The following POLR3B variants were observed in gnomAD, a reference collection of about 807,000 sequenced individuals.
The protein encoded by POLR3B is RNA polymerase III subunit B.
In POLR3B, 96 loss-of-function variants were observed where a neutral mutation model predicts 147.4. The observed-to-expected ratio is 0.65, with a 90% CI of 0.55 to 0.77. The LOEUF (loss-of-function observed/expected upper bound fraction) is 0.77, where lower values mean the gene tolerates loss of function less well. Ranked by LOEUF, POLR3B falls within the 30% of genes least tolerant of loss-of-function variation. The pLI, the probability that POLR3B is intolerant of heterozygous loss-of-function variation, is 0.00. For missense variants in POLR3B, 1,036 were observed against 1,413.5 expected, an observed-to-expected ratio of 0.73 and a Z score of 4.28; for synonymous variants, 461 against 485.9, an observed-to-expected ratio of 0.95 and a Z score of 0.67.
Position 106,504,847 on chromosome 12 carries a change from T to C in POLR3B, c.3272+593T>C, listed in dbSNP as rs189007901. 3.9e-5 allele frequency among the ~76,000 whole-genome samples: 6 copies of C among 152,296 alleles called. No individual in the cohort carries two copies. In the East Asian group the frequency reaches 9.7e-4, roughly 25 times the overall value. On this transcript the variant is annotated intron_variant, in intron 27 of 27. Transcript: ENST00000228347. The surrounding 1 kb of genome is among the most constrained non-coding windows in gnomAD (Gnocchi z 4.6). Reference sequence around the variant, plus strand: ...ATTCAGCAAACATGTAGTAAGTATCTGCTAAGTGTCAGACACTGTTCTAGG... The same window carrying C: ...ATTCAGCAAACATGTAGTAAGTATCCGCTAAGTGTCAGACACTGTTCTAGG...
intron 9 of POLR3B, among the ~76,000 whole-genome samples, chr12:106,389,090 G>A (rs979382322): frequency 2.0e-5 from 3 of 152,174 alleles, no homozygotes; most frequent in Non-Finnish European, 2.9e-5. Context: ...TCCATATAAA[G>A]CCAGTTTTCA....
intron 6 of POLR3B, among the ~76,000 whole-genome samples, chr12:106,373,229 T>C (rs1310217627): frequency 6.6e-6 from 1 of 152,204 alleles, no homozygotes; most frequent in Non-Finnish European, 1.5e-5. Context: ...CCATTTTCCT[T>C]ATGGTTTTGT....
chr12:106,436,937 CA>C, intron 16 of POLR3B, 119 bp from the exon 17 acceptor site: 1 of 778,522 alleles, frequency 1.3e-6, no homozygotes, highest in Non-Finnish European at 2.2e-6. Context: ...GTGTCCTCAG[CA>C]ATCCAGGAAT....
intron 9 of POLR3B, among the ~76,000 whole-genome samples, chr12:106,386,118 G>T (rs11112961): frequency 0.23 from 35,155 of 152,040 alleles, 4,429 homozygotes; most frequent in African/African-American, 0.31. Flanking sequence ...GGCCAAGGTG[G>T]GTGGATCACT....
chr12:106,379,025 C>A (rs758648346), intron 8 of POLR3B, among the ~76,000 whole-genome samples: 1 of 152,176 alleles, frequency 6.6e-6, no homozygotes, highest in Non-Finnish European at 1.5e-5. Context: ...CTGATTAACT[C>A]AGAATTTCTG....
rs1565875510 is a variant in POLR3B at position 106,372,331 on chromosome 12, G to GTGTTT, written c.404+2650_404+2654dup. 5.7e-3 allele frequency among the ~76,000 whole-genome samples: 139 copies of GTGTTT among 24,396 alleles called. 30 individuals carry two copies. Among genetic ancestry groups the GTGTTT allele is most frequent in the African/African-American group, 6.3e-3 (20 of 3,192 alleles). The allele number at this position is 24,396 out of a possible 152,430, so 16.0% of individuals were successfully genotyped here. On this transcript the variant is annotated intron_variant, in intron 6 of 27. Coordinates refer to ENST00000228347, the MANE Select transcript of POLR3B (RefSeq NM_018082.6). ...ATCCATAACTTTATTTTGTGTGTGT[G>GTGTTT]TGTTTTTTTTTTTTTTTTTTTTTTT...
intron 23 of POLR3B, among the ~76,000 whole-genome samples, 196 bp downstream of exon 23, chr12:106,463,816 C>T (rs1482118451): frequency 6.6e-6 from 1 of 152,104 alleles, no homozygotes; most frequent in East Asian, 1.9e-4. Context: ...AGACTTGCTC[C>T]TCTATGCTGT....
At chr12:106,393,977 A>T (rs1339578680) in intron 10 of POLR3B, among the ~76,000 whole-genome samples, 1 of 152,158 alleles carries the variant, frequency 6.6e-6, no homozygotes, top group Non-Finnish European at 1.5e-5. Context: ...CACAACAGAC[A>T]GTTCTTACCT....
At chr12:106,358,112 G>A in intron 1 of POLR3B, 161 bp downstream of exon 1, 2 of 1,501,166 alleles carry the variant, frequency 1.3e-6, no homozygotes, top group East Asian at 2.5e-5. Flanking sequence ...CTTTTTTCCA[G>A]AGCCGGCCTC....
intron 12 of POLR3B, among the ~76,000 whole-genome samples, chr12:106,421,960 A>C (rs2037379474): frequency 6.6e-6 from 1 of 152,210 alleles, no homozygotes; most frequent in African/African-American, 2.4e-5. Context: ...TCAGCCTCCC[A>C]AAGTGCTAGG....
intron 10 of POLR3B, among the ~76,000 whole-genome samples, chr12:106,395,279 G>A (rs755307201): frequency 6.6e-6 from 1 of 152,150 alleles, no homozygotes; most frequent in African/African-American, 2.4e-5. Flanking sequence ...AGGTTTAATT[G>A]GCTCATGGTT....
chr12:106,399,997 T>C (rs1179821847), intron 10 of POLR3B, among the ~76,000 whole-genome samples: 1 of 152,226 alleles, frequency 6.6e-6, no homozygotes, highest in East Asian at 1.9e-4. Flanking sequence ...TAACTTTGAA[T>C]GTAAATGGGC....
In POLR3B at chr12:106,498,229, T is replaced by C. The variant is rs562976375; in HGVS notation, c.2984+1311T>C. ...AGAGGAAAAGTTATGTTTGACACTT[T>C]GCCAGGGAAAGAGCTTGGTAAGTTC... is the stretch of plus-strand genomic sequence containing the variant. On this transcript the variant is annotated intron_variant, in intron 25 of 27. Coordinates refer to ENST00000228347, the MANE Select transcript of POLR3B (RefSeq NM_018082.6). Among the ~76,000 whole-genome samples, 10 of 152,282 alleles carry C rather than the reference T, an allele frequency of 6.6e-5. No individual in the cohort carries two copies. The South Asian group carries it at 1.9e-3, about 28-fold the overall frequency.
chr12:106,408,840 C>G (rs1359257040), intron 11 of POLR3B, among the ~76,000 whole-genome samples: 1 of 152,114 alleles, frequency 6.6e-6, no homozygotes, highest in Non-Finnish European at 1.5e-5. Context: ...GAAAAATATG[C>G]TAAGTATTAA....
At position 106,483,660 on chromosome 12, in the gene POLR3B, A is replaced by G. The variant is rs535352234; in HGVS notation, c.2714-12395A>G. Among the ~76,000 whole-genome samples, 3 of 152,272 alleles carry G rather than the reference A, an allele frequency of 2.0e-5. No homozygotes were observed. In the South Asian group the frequency reaches 6.2e-4, roughly 32 times the overall value. On this transcript the variant is annotated intron_variant, in intron 23 of 27. Transcript: ENST00000228347. ...GATTATCTTTGGCAGATGGTTTTCC[A>G]TGTTGATTGTGGCCTGTGAAGGGAG...
In POLR3B at chr12:106,382,375, A is replaced by G. The variant is rs191175969; in HGVS notation, c.723+2236A>G. On this transcript the variant is annotated intron_variant, in intron 9 of 27. Transcript: ENST00000228347. ...TAACTATTAGGGTCTCTTGTATTCA[A>G]GGGAATCACAGATATTCTTATTGGC... Among the ~76,000 whole-genome samples the G allele has an allele frequency of 1.9e-3, 285 of 152,334 alleles. 1 individual carries two copies. The highest frequency in any genetic ancestry group is 6.8e-3 in the Middle Eastern group (2 of 294).
Position 106,459,296 on chromosome 12 carries a change from C to G in POLR3B, c.2498C>G (p.Pro833Arg). Reference sequence around the variant, plus strand: ...CAAGTGCTTGTAAATAAGTCCATGCCCACAGTGACTCAGATTCCTTTGGAA... The same window carrying G: ...CAAGTGCTTGTAAATAAGTCCATGCGCACAGTGACTCAGATTCCTTTGGAA... ...NKQVLVNKSM[P>R]TVTQIPLEGS... The change falls in exon 22 of 28, where the codon CCC becomes CGC. Residue 833 changes from proline (P) to arginine (R), a missense_variant. Physicochemically the swap from Pro to Arg is moderately radical, Grantham distance 103. Transcript: ENST00000228347. 6.2e-7 allele frequency: 1 copy of G among 1,610,500 alleles called. No individual in the cohort carries two copies. Among genetic ancestry groups the G allele is most frequent in the Non-Finnish European group, 8.5e-7 (1 of 1,176,840 alleles).
chr12:106,507,486 A>T (rs12302008), intron 27 of POLR3B: 5,494 of 225,308 alleles, frequency 0.024, 105 homozygotes, highest in South Asian at 0.041. Flanking sequence ...TACCCCCGTT[A>T]AATGCATTTC....
At chr12:106,412,308 T>G (rs1246396283) in intron 12 of POLR3B, among the ~76,000 whole-genome samples, 1 of 152,208 alleles carries the variant, frequency 6.6e-6, no homozygotes, top group East Asian at 1.9e-4. Flanking sequence ...ATTTAGTTCT[T>G]TCAGTTGTAG....
Sources: allele counts gnomAD v4.1 joint callset (sites outside exome capture counted in the v4.1 genomes callset), GRCh38; gene constraint gnomAD v4.1.1; non-coding constraint Gnocchi (gnomAD v3.1); transcripts MANE v1.5; gene names NCBI Gene and HGNC (gene_info 2026-07-23, HGNC 2026-07-21).